Variants in ZDHHC24 observed in about 807,000 individuals in gnomAD.
ZDHHC24 encodes zDHHC palmitoyltransferase 24.
A neutral mutation model predicts 23.2 loss-of-function variants in ZDHHC24; 17 were observed. That is an observed-to-expected ratio of 0.73 (90% confidence interval 0.50 to 1.10). The LOEUF (loss-of-function observed/expected upper bound fraction) is 1.10, where lower values mean the gene tolerates loss of function less well. Ranked by LOEUF, ZDHHC24 falls within the 50% of genes least tolerant of loss-of-function variation. The pLI is 0.00. For synonymous variants in ZDHHC24, 186 were observed against 194.5 expected, an observed-to-expected ratio of 0.96 and a Z score of 0.36; for missense variants, 366 against 393.0, an observed-to-expected ratio of 0.93 and a Z score of 0.58.
intron 2 of ZDHHC24, chr11:66,529,701 C>A: frequency 7.6e-7 from 1 of 1,312,784 alleles, no homozygotes; most frequent in South Asian, 1.2e-5. Context: ...GCAGACTCCT[C>A]CTGCAGCACC....
chr11:66,541,603 G>A (rs553078760), intron 2 of ZDHHC24, among the ~76,000 whole-genome samples: 3 of 151,562 alleles, frequency 2.0e-5, no homozygotes, highest in Admixed American at 2.0e-4. Flanking sequence ...AGAGTGAGGG[G>A]GGAATGGCAC....
chr11:66,532,888 G>A (rs1356319965), downstream of ZDHHC24: 1 of 152,390 alleles, frequency 6.6e-6, no homozygotes, highest in East Asian at 1.9e-4. Context: ...GAAGTGCCAC[G>A]GGAGGCAGAA....
intron 2 of ZDHHC24, chr11:66,529,526 G>A: frequency 5.6e-6 from 4 of 715,586 alleles, no homozygotes; most frequent in Non-Finnish European, 1.0e-5. Flanking sequence ...GAGGACCATG[G>A]ACCAGACTCA....
rs1017952559 is a variant in ZDHHC24 at position 66,543,839 on chromosome 11, G to A, written c.424C>T (p.Leu142=). The stretch of plus-strand genomic sequence containing the variant: ...AGGACGCCGGCGGCATGAAGCAGCA[G>A]GCACAGGAAGGGCCGGTAGTTGCCG... The part of the protein sequence containing the change: ...GFGNYRPFLC[L]LLHAAGVLLH... Residue 142 remains leucine (L), a synonymous_variant, in exon 2 of 3, where the codon CTG becomes TTG. Transcript: ENST00000310442. 1 of 1,613,778 alleles carries A rather than the reference G, an allele frequency of 6.2e-7. No homozygotes were observed. Among genetic ancestry groups the A allele is most frequent in the African/African-American group, 1.3e-5 (1 of 74,934 alleles).
downstream of ZDHHC24, chr11:66,533,115 T>G (rs1427565796): frequency 6.6e-6 from 1 of 152,098 alleles, no homozygotes; most frequent in Non-Finnish European, 1.5e-5. Flanking sequence ...CACTAAGAAA[T>G]ACATGAACCG....
At chr11:66,528,854 G>C (rs187679134) in intron 3 of ZDHHC24, among the ~76,000 whole-genome samples, 1,568 of 151,292 alleles carry the variant, frequency 0.01, 17 homozygotes, top group South Asian at 0.03. Flanking sequence ...TGTAATTCCA[G>C]CTACTCGGGA....
chr11:66,541,990 G>T (rs144802151), intron 2 of ZDHHC24, among the ~76,000 whole-genome samples: 5 of 152,034 alleles, frequency 3.3e-5, no homozygotes, highest in Admixed American at 3.3e-4. Context: ...AGAAGGCCTG[G>T]CCTGCAGGAG....
Position 66,523,429 on chromosome 11 carries a change from C to T in ZDHHC24, c.*22-1963G>A, listed in dbSNP as rs202036802. 1.2e-4 allele frequency: 199 copies of T among 1,614,074 alleles called. 1 individual carries two copies. In the African/African-American group the frequency reaches 2.5e-3, roughly 20 times the overall value. On this transcript the variant is annotated intron_variant, in intron 4 of 4. Transcript: ENST00000526986. ...AGAAGTGGAGAGGATTTCTCTGGGG[C>T]CAGACAGTGTGTTGTTTATTCCACA...
chr11:66,523,779 T>C, intron 4 of ZDHHC24: 1 of 1,613,358 alleles, frequency 6.2e-7, no homozygotes, highest in Non-Finnish European at 8.5e-7. Flanking sequence ...ATGAACCTCC[T>C]GGAGCAGCAT....
chr11:66,529,856 G>T, intron 2 of ZDHHC24: 1 of 1,610,770 alleles, frequency 6.2e-7, no homozygotes. Context: ...TATACCTGCT[G>T]CGCCTACGTG....
At chr11:66,541,260 G>A (rs546250411) in intron 2 of ZDHHC24, among the ~76,000 whole-genome samples, 5 of 152,128 alleles carry the variant, frequency 3.3e-5, no homozygotes, top group African/African-American at 4.8e-5. Context: ...AAAATTAGTC[G>A]GGCGTGGTGG....
intron 4 of ZDHHC24, among the ~76,000 whole-genome samples, chr11:66,521,790 A>T (rs552784668): frequency 1.3e-5 from 2 of 151,750 alleles, no homozygotes; most frequent in East Asian, 3.9e-4. Context: ...CTCTAGCCCC[A>T]GCTACTCGGG....
At chr11:66,531,861 G>A, downstream of ZDHHC24, 3 of 1,594,700 alleles carry the variant, frequency 1.9e-6, no homozygotes, top group South Asian at 3.4e-5. Flanking sequence ...TCTGCACAGT[G>A]GAGCCCTGTG....
intron 4 of ZDHHC24, chr11:66,526,782 A>G: frequency 6.2e-7 from 1 of 1,614,232 alleles, no homozygotes; most frequent in Non-Finnish European, 8.5e-7. Context: ...TGGATCAGAC[A>G]CTGCGAGAGC....
intron 2 of ZDHHC24, among the ~76,000 whole-genome samples, chr11:66,542,224 G>C (rs1016594895): frequency 2.2e-4 from 34 of 152,248 alleles, no homozygotes; most frequent in African/African-American, 7.2e-4. Flanking sequence ...GGAAGGCCAG[G>C]CATAGCCGAG....
downstream of ZDHHC24, chr11:66,531,611 C>G (rs754278028): frequency 5.0e-6 from 8 of 1,613,260 alleles, no homozygotes; most frequent in South Asian, 8.8e-5. Flanking sequence ...ATGCCAAACA[C>G]TGGCACGAGG....
intron 4 of ZDHHC24, among the ~76,000 whole-genome samples, chr11:66,522,654 A>AT (rs1856295417): frequency 6.6e-6 from 1 of 152,094 alleles, no homozygotes; most frequent in African/African-American, 2.4e-5. Flanking sequence ...CCTAACATGC[A>AT]TTTTTTTAAT....
rs920258497 is a variant in ZDHHC24, at chr11:66,538,746, C to T, written c.*783G>A. 2.0e-5 allele frequency: 3 copies of T among 152,228 alleles called. No homozygotes were observed. Among genetic ancestry groups the T allele is most frequent in the African/African-American group, 7.2e-5 (3 of 41,444 alleles). 9.4% of individuals were successfully genotyped at this position (152,228 alleles called of 1,614,324 possible). A position where few individuals can be genotyped will look rare whatever the true frequency, so the allele number is the denominator to read the frequency against. ...TTACACGGAAACATTTAACAAGCAG[C>T]TCTTGAGGAGGCCAGAGAGGTGCAG... On this transcript the variant is annotated 3_prime_UTR_variant, in exon 3 of 3. Transcript: ENST00000310442.
intron 2 of ZDHHC24, 48 bp from the exon 3 acceptor site, chr11:66,539,872 C>A: frequency 1.3e-6 from 2 of 1,482,212 alleles, no homozygotes; most frequent in Admixed American, 4.6e-5. Context: ...TGGGGTCCGG[C>A]TTTCCTGCCA....
Sources: gnomAD v4.1 joint callset for allele counts (sites outside exome capture counted in the v4.1 genomes callset) on GRCh38, gnomAD v4.1.1 for gene constraint, MANE v1.5 for transcripts, NCBI Gene and HGNC (gene_info 2026-07-23, HGNC 2026-07-21) for gene names.